DOCK6: variants seen among roughly 807,000 people sequenced by gnomAD.
DOCK6 encodes the protein dedicator of cytokinesis 6.
Under a neutral mutation model 230.3 loss-of-function variants are expected in DOCK6, and 167 were observed. That is an observed-to-expected ratio of 0.73 (90% CI 0.64 to 0.82). The LOEUF (loss-of-function observed/expected upper bound fraction) is 0.82. Ranked by LOEUF, DOCK6 falls within the 40% of genes least tolerant of loss-of-function variation. The pLI is 0.00. For synonymous variants in DOCK6, 1,148 were observed against 1,185.0 expected (o/e 0.97, Z 0.64); for missense variants, 2,598 against 2,825.8 (o/e 0.92, Z 1.83).
In DOCK6 at chr19:11,212,004, A is replaced by G; in HGVS notation, c.4639T>C (p.Phe1547Leu). The G allele has an allele frequency of 6.2e-7, 1 of 1,605,456 alleles. No homozygotes were observed. The highest frequency in any genetic ancestry group is 8.5e-7 in the Non-Finnish European group (1 of 1,176,180). ...CCAGCAGGTGTCACCTGCTCTGCGA[A>G]GGTGCTGTCCCGCAGCCCCATGTCC... ...EEDMGLRDST[F>L]AEQVQDLMFN... is the part of the protein sequence containing the mutation. The change falls in exon 36 of 48, where the codon TTC becomes CTC. Residue 1547 changes from phenylalanine to leucine, a missense_variant. Physicochemically the swap from Phe to Leu is conservative, Grantham distance 22 (BLOSUM62 0). Coordinates refer to ENST00000294618, the MANE Select transcript of DOCK6 (RefSeq NM_020812.4).
In DOCK6 at chr19:11,227,458, T is replaced by G. The variant is rs2079685051; in HGVS notation, c.2834A>C (p.His945Pro). The stretch of plus-strand genomic sequence containing the variant: ...GTCTAGTCGCTGGCCAAGCAGCAGG[T>G]GCAGCGCCATACTCTTCACCTGGGG... ...FQLMVKSMAL[H>P]LLLGQRLDTP... Residue 945 changes from histidine (H) to proline (P), a missense_variant, in exon 24 of 48, where the codon CAC becomes CCC. His to Pro is a moderately conservative substitution (Grantham distance 77). Coordinates refer to ENST00000294618, the MANE Select transcript of DOCK6 (RefSeq NM_020812.4). 1 of 1,593,310 alleles carries G rather than the reference T, an allele frequency of 6.3e-7. No homozygotes were observed. The highest frequency in any genetic ancestry group is 8.5e-7 in the Non-Finnish European group (1 of 1,170,892).
At chr19:11,262,065 G>A (rs1300301429) in intron 1 of DOCK6, among the ~76,000 whole-genome samples, 1 of 152,078 alleles carries the variant, frequency 6.6e-6, no homozygotes, top group Non-Finnish European at 1.5e-5. Flanking sequence ...GACGGGGAGC[G>A]CAGGGAGTTC....
At chr19:11,226,483 A>G (rs2079666472) in intron 24 of DOCK6, among the ~76,000 whole-genome samples, 2 of 152,196 alleles carry the variant, frequency 1.3e-5, no homozygotes. Context: ...ACATGGAGAA[A>G]CACTGTCTCT....
chr19:11,208,428 G>A (rs373065268), intron 39 of DOCK6: 10 of 327,312 alleles, frequency 3.1e-5, no homozygotes, highest in Admixed American at 3.0e-4. Flanking sequence ...TTACAGCCGT[G>A]CGCCACCACG....
Position 11,235,614 on chromosome 19 carries a change from C to T in DOCK6, c.2538G>A (p.Glu846=), listed in dbSNP as rs767521606. ...VHYAFRLPGT[E]PSLPDGAPPV... is the part of the protein sequence containing the mutation. ...CAAACTCACCATCCGGGAGGCTGGGCTCAGTGCCAGGAAGGCGAAAGGCGT... is the reference window on the plus strand; with the variant it reads ...CAAACTCACCATCCGGGAGGCTGGGTTCAGTGCCAGGAAGGCGAAAGGCGT... The change falls in exon 21 of 48, where the codon GAG becomes GAA. Residue 846 remains glutamate (E), a synonymous_variant. Coordinates refer to ENST00000294618, the MANE Select transcript of DOCK6 (RefSeq NM_020812.4). The T allele has an allele frequency of 1.1e-5, 17 of 1,594,882 alleles. No homozygotes were observed. In the South Asian group the frequency reaches 1.9e-4, roughly 18 times the overall value.
At chr19:11,256,504 GTC>G (rs1216902675) in intron 1 of DOCK6, among the ~76,000 whole-genome samples, 3 of 152,158 alleles carry the variant, frequency 2.0e-5, no homozygotes, top group African/African-American at 7.2e-5. Context: ...GTGACCATCA[GTC>G]TCTCAGCCTC....
At chr19:11,224,214 C>CTTTCTTTCTTTCTTTCTTTCT (rs768175902) in intron 24 of DOCK6, among the ~76,000 whole-genome samples, 6 of 142,154 alleles carry the variant, frequency 4.2e-5, no homozygotes, top group East Asian at 4.2e-4. Flanking sequence ...TTCTTTCTTT[C>CTTTCTTTCTTTCTTTCTTTCT]TTTTTTTTTT....
At chr19:11,205,322 A>G (rs898228184) in intron 39 of DOCK6, among the ~76,000 whole-genome samples, 15 of 151,872 alleles carry the variant, frequency 9.9e-5, no homozygotes, top group African/African-American at 3.6e-4. Flanking sequence ...TGTCACCTAC[A>G]TTAGATACTT....
chr19:11,202,926 C>T lies in DOCK6; in HGVS notation c.5236-217G>A, dbSNP rs1047882309. 1.3e-5 allele frequency among the ~76,000 whole-genome samples: 2 copies of T among 152,100 alleles called. No homozygotes were observed. Among genetic ancestry groups the T allele is most frequent in the African/African-American group, 2.4e-5 (1 of 41,408 alleles). Reference sequence around the variant, plus strand: ...TGTTTACGGGTGTGTCCCTAATGCCCGTGGGACAGGGTATACAGCAGGTAC... The same window carrying T: ...TGTTTACGGGTGTGTCCCTAATGCCTGTGGGACAGGGTATACAGCAGGTAC... On this transcript the variant is annotated intron_variant, in intron 41 of 47. Transcript: ENST00000294618. This position sits in a 1 kb window ranked among gnomAD's most constrained non-coding sequence, Gnocchi z 5.3.
intron 35 of DOCK6, among the ~76,000 whole-genome samples, chr19:11,212,431 A>G (rs575823699): frequency 5.2e-4 from 79 of 152,082 alleles, no homozygotes; most frequent in African/African-American, 1.7e-3. Context: ...TGGTAGAGAC[A>G]GGGTTTCACT....
At chr19:11,203,627 C>CCT (rs1156785340) in intron 41 of DOCK6, 1 of 182,142 alleles carries the variant, frequency 5.5e-6, no homozygotes, top group Non-Finnish European at 1.1e-5. Flanking sequence ...CGGGAGGACA[C>CCT]ATTAACCAGA....
chr19:11,202,376 A>G lies in DOCK6; in HGVS notation c.5451+18T>C. ...CTCTGTGAATCTAAGATTTTGGGGAAATGGTTGGGGGACCCACCTTTTGTG... is the reference window on the plus strand; with the variant it reads ...CTCTGTGAATCTAAGATTTTGGGGAGATGGTTGGGGGACCCACCTTTTGTG... On this transcript the variant is annotated intron_variant, in intron 43 of 47. Coordinates refer to ENST00000294618, the MANE Select transcript of DOCK6 (RefSeq NM_020812.4). The surrounding 1 kb of genome is among the most constrained non-coding windows in gnomAD (Gnocchi z 5.3). 6.2e-7 allele frequency: 1 copy of G among 1,611,716 alleles called. No homozygotes were observed. The highest frequency in any genetic ancestry group is 8.5e-7 in the Non-Finnish European group (1 of 1,178,882).
In DOCK6 at chr19:11,202,298, G is replaced by C; in HGVS notation, c.5451+96C>G. The C allele has an allele frequency of 6.8e-7, 1 of 1,466,438 alleles. No homozygotes were observed. Among genetic ancestry groups the C allele is most frequent in the East Asian group, 2.4e-5 (1 of 40,866 alleles). The allele number at this position is 1,466,438 out of a possible 1,614,324, so 90.8% of individuals were successfully genotyped here. ...GGGTCCCTCAGTGAAATATGATTTG[G>C]GGTTTCCCAGAGAAAGAGGATTTGA... On this transcript the variant is annotated intron_variant, in intron 43 of 47. Coordinates refer to ENST00000294618, the MANE Select transcript of DOCK6 (RefSeq NM_020812.4). The surrounding 1 kb of genome is among the most constrained non-coding windows in gnomAD (Gnocchi z 5.3).
chr19:11,236,034 CCA>C lies in DOCK6; in HGVS notation c.2393-277_2393-276del, dbSNP rs1354364930. 1 of 497,820 alleles carries C rather than the reference CCA, an allele frequency of 2.0e-6. No individual in the cohort carries two copies. The highest frequency in any genetic ancestry group is 3.5e-6 in the Non-Finnish European group (1 of 285,052). 30.8% of individuals were successfully genotyped at this position (497,820 alleles called of 1,614,324 possible). The stretch of plus-strand genomic sequence containing the variant: ...TAGCTGGGATTACAGGCATGCGCCA[CCA>C]CGCCCAGCTAATTTTGTATTTTTAG... On this transcript the variant is annotated intron_variant, in intron 20 of 47. Coordinates refer to ENST00000294618, the MANE Select transcript of DOCK6 (RefSeq NM_020812.4). This position sits in a 1 kb window ranked among gnomAD's most constrained non-coding sequence, Gnocchi z 5.2.
chr19:11,244,451 C>CT (rs56722117), intron 9 of DOCK6, among the ~76,000 whole-genome samples: 5,291 of 40,190 alleles, frequency 0.13, 1,885 homozygotes, highest in African/African-American at 0.32. Flanking sequence ...CCACACCTGG[C>CT]TTTTTTTTTT....
At chr19:11,219,026 G>T (rs924929559) in intron 28 of DOCK6, among the ~76,000 whole-genome samples, 4 of 150,256 alleles carry the variant, frequency 2.7e-5, no homozygotes, top group Non-Finnish European at 5.9e-5. Flanking sequence ...CTGCAGGTGC[G>T]TGCCACCATG....
chr19:11,199,760 A>G (rs1490959457), intron 47 of DOCK6, among the ~76,000 whole-genome samples: 1 of 152,264 alleles, frequency 6.6e-6, no homozygotes, highest in Non-Finnish European at 1.5e-5. Flanking sequence ...ACTGAGGCTC[A>G]GAAAGATGAA....
Position 11,201,926 on chromosome 19 carries a change from T to C in DOCK6, c.5651A>G (p.Tyr1884Cys), listed in dbSNP as rs759587834. 1.3e-6 allele frequency: 2 copies of C among 1,595,758 alleles called. No individual in the cohort carries two copies. Among genetic ancestry groups the C allele is most frequent in the African/African-American group, 2.7e-5 (2 of 74,204 alleles). ...TLLSTDHAFP[Y>C]IKTRIRVCHR... ...GCACACACGGATGCGAGTCTTGATGTAGGGGAAGGCGTGGTCGGTGCTGAG... is the reference window on the plus strand; with the variant it reads ...GCACACACGGATGCGAGTCTTGATGCAGGGGAAGGCGTGGTCGGTGCTGAG... The change falls in exon 44 of 48, where the codon TAC (tyrosine) becomes TGC (cysteine). Residue 1884 changes from tyrosine to cysteine, a missense_variant. By Grantham distance (194) the Tyr-to-Cys change is radical. Transcript: ENST00000294618. The surrounding 1 kb of genome is among the most constrained non-coding windows in gnomAD (Gnocchi z 4.3).
chr19:11,224,212 TTC>T (rs1167260836), intron 24 of DOCK6, among the ~76,000 whole-genome samples: 5 of 151,346 alleles, frequency 3.3e-5, no homozygotes, highest in Admixed American at 3.3e-4. Flanking sequence ...CTTTCTTTCT[TTC>T]TTTTTTTTTT....
Sources: allele counts gnomAD v4.1 joint callset (sites outside exome capture counted in the v4.1 genomes callset), GRCh38; gene constraint gnomAD v4.1.1; non-coding constraint Gnocchi (gnomAD v3.1); transcripts MANE v1.5; gene names NCBI Gene and HGNC (gene_info 2026-07-23, HGNC 2026-07-21).